MMP25: variants seen among roughly 807,000 people sequenced by gnomAD.
MMP25 encodes the protein matrix metallopeptidase 25.
Under a neutral mutation model 62.1 loss-of-function variants are expected in MMP25, and 68 were observed. The observed-to-expected ratio is 1.10, with a 90% CI of 0.90 to 1.34. MMP25 has a LOEUF of 1.34. Ranked by LOEUF, MMP25 falls within the 40% of genes most tolerant of loss-of-function variation. The pLI is 0.00. For synonymous variants in MMP25, 407 were observed against 345.6 expected (o/e 1.18, Z -1.97); for missense variants, 942 against 792.5 (o/e 1.19, Z -2.26).
At chr16:3,048,420 GGAGA>G (rs1003025585) in intron 2 of MMP25, among the ~76,000 whole-genome samples, 1 of 151,932 alleles carries the variant, frequency 6.6e-6, no homozygotes, top group African/African-American at 2.4e-5. Flanking sequence ...CTTTCTCGAG[GGAGA>G]GAGAGAGAGA....
At position 3,046,858 on chromosome 16, in the gene MMP25, C is replaced by T. The variant is rs993816383; in HGVS notation, c.-60C>T. On this transcript the variant is annotated 5_prime_UTR_variant, in exon 1 of 10. Transcript: ENST00000336577. ...GCCCGGATCTCCTCCCCCAGGTCCC[C>T]GGGGCGGCCCCAGCCAGGCCCCCTT... The T allele has an allele frequency of 5.0e-6, 5 of 1,003,486 alleles. No homozygotes were observed. Among genetic ancestry groups the T allele is most frequent in the South Asian group, 2.1e-5 (1 of 46,908 alleles). The allele number at this position is 1,003,486 out of a possible 1,614,324, so 62.2% of individuals were successfully genotyped here.
chr16:3,051,037 C>T (rs1481694779), intron 4 of MMP25: 1 of 152,552 alleles, frequency 6.6e-6, no homozygotes, highest in Non-Finnish European at 1.5e-5. Context: ...GTGATCCTCC[C>T]ATCTTGGTCT....
Position 3,050,151 on chromosome 16 carries a change from C to A in MMP25, c.368+7C>A, listed in dbSNP as rs1487386399. The A allele has an allele frequency of 1.2e-6, 2 of 1,600,686 alleles. No homozygotes were observed. The highest frequency in any genetic ancestry group is 1.7e-6 in the Non-Finnish European group (2 of 1,170,440). ...AGCGAACCCTGACATGGAGGTAGGT[C>A]CTGGGGCCCACCCGCACCCTGGCCC... On this transcript the variant is annotated splice_region_variant and intron_variant, in intron 3 of 9. Coordinates refer to ENST00000336577, the MANE Select transcript of MMP25 (RefSeq NM_022468.5).
In MMP25 at chr16:3,058,415, C is replaced by T. The variant is rs1238741492; in HGVS notation, c.1163C>T (p.Pro388Leu). The T allele has an allele frequency of 6.4e-7, 1 of 1,555,758 alleles. No individual in the cohort carries two copies. The highest frequency in any genetic ancestry group is 1.2e-5 in the South Asian group (1 of 84,458). The change falls in exon 9 of 10, where the codon CCC becomes CTC. Residue 388 changes from proline (P) to leucine (L), a missense_variant. Physicochemically the swap from Pro to Leu is moderately conservative, Grantham distance 98. Transcript: ENST00000336577. ...RDGRILLFSG[P>L]QFWVFQDRQL... ...CCTCCCGGCCTCCACCCTGCAGGGC[C>T]CCAGTTCTGGGTGTTCCAGGACCGG...
Position 3,050,319 on chromosome 16 carries a change from C to A in MMP25, c.434C>A (p.Ala145Asp), listed in dbSNP as rs527372861. The change falls in exon 4 of 10, where the codon GCC becomes GAC. Residue 145 changes from alanine to aspartate, a missense_variant. Transcript: ENST00000336577. ...QETVRVLMSY[A>D]LMAWGMESGL... ...ACCGTGCGGGTCCTCATGAGCTATG[C>A]CCTGATGGCCTGGGGCATGGAGTCA... The A allele has an allele frequency of 2.7e-5, 44 of 1,613,674 alleles. No individual in the cohort carries two copies. Among genetic ancestry groups the A allele is most frequent in the Non-Finnish European group, 3.7e-5 (44 of 1,179,880 alleles).
Position 3,059,900 on chromosome 16 carries a change from A to G in MMP25, c.*802A>G, listed in dbSNP as rs181926082. The G allele has an allele frequency of 9.3e-3, 1,423 of 152,478 alleles. 15 individuals are homozygous for G. Among genetic ancestry groups the G allele is most frequent in the Non-Finnish European group, 0.014 (981 of 68,228 alleles). 9.4% of individuals were successfully genotyped at this position (152,478 alleles called of 1,614,324 possible). On this transcript the variant is annotated 3_prime_UTR_variant, in exon 10 of 10. Coordinates refer to ENST00000336577, the MANE Select transcript of MMP25 (RefSeq NM_022468.5). ...CACCTCCTCCTCCCCAGGCCACCCA[A>G]CTTGGGCACCTCCCTGGGCCCAGAA...
chr16:3,057,011 T>C (rs1298800899), intron 4 of MMP25, 22 bp from the exon 5 acceptor site: 3 of 1,542,742 alleles, frequency 1.9e-6, no homozygotes, highest in Non-Finnish European at 2.6e-6. Context: ...CGGCCGCAGC[T>C]CTCACCCACT....
rs3743937 is a variant in MMP25 at position 3,047,567 on chromosome 16, C to A, written c.232+20C>A. 371,396 of 1,608,214 alleles carry A rather than the reference C, an allele frequency of 0.23. 44,837 individuals carry two copies. Among genetic ancestry groups the A allele is most frequent in the South Asian group, 0.25 (22,801 of 90,632 alleles). On this transcript the variant is annotated intron_variant, in intron 2 of 9. Transcript: ENST00000336577. ...GCATGGGTAGGTGGCCCCCACCCCT[C>A]CCCAGCCCTGCCTCTGCACCCAGCC...
Position 3,050,564 on chromosome 16 carries a change from A to G in MMP25, c.661+18A>G. On this transcript the variant is annotated intron_variant, in intron 4 of 9. Coordinates refer to ENST00000336577, the MANE Select transcript of MMP25 (RefSeq NM_022468.5). ...GTCAAAAGGTAAAATCTCCTCTCTTATGAGAGATCCTCTTGCCAGGTCTGG... is the reference window on the plus strand; with the variant it reads ...GTCAAAAGGTAAAATCTCCTCTCTTGTGAGAGATCCTCTTGCCAGGTCTGG... The G allele has an allele frequency of 6.6e-7, 1 of 1,511,486 alleles. No individual in the cohort carries two copies. Among genetic ancestry groups the G allele is most frequent in the East Asian group, 2.3e-5 (1 of 43,818 alleles). 93.6% of individuals were successfully genotyped at this position (1,511,486 alleles called of 1,614,324 possible).
chr16:3,048,639 G>T (rs2360168), intron 2 of MMP25, among the ~76,000 whole-genome samples: 47,713 of 151,782 alleles, frequency 0.31, 7,794 homozygotes, highest in Middle Eastern at 0.37. Flanking sequence ...AAGACCCCAC[G>T]GCACGCAGAA....
intron 4 of MMP25, chr16:3,052,874 G>A (rs1955926065): frequency 6.6e-6 from 1 of 152,268 alleles, no homozygotes; most frequent in Non-Finnish European, 1.5e-5. Flanking sequence ...TCTTGTGCAA[G>A]CAGTTTCTCA....
In MMP25 at chr16:3,046,906, C is replaced by T; in HGVS notation, c.-12C>T. 7.1e-7 allele frequency: 1 copy of T among 1,412,556 alleles called. No individual in the cohort carries two copies. The highest frequency in any genetic ancestry group is 9.2e-7 in the Non-Finnish European group (1 of 1,084,004). The allele number at this position is 1,412,556 out of a possible 1,614,324, so 87.5% of individuals were successfully genotyped here. ...CTTCGAACCCCGCCGGCGGCCCGGGCTGGGGCGCACCATGCGGCTGCGGCT... is the reference window on the plus strand; with the variant it reads ...CTTCGAACCCCGCCGGCGGCCCGGGTTGGGGCGCACCATGCGGCTGCGGCT... On this transcript the variant is annotated 5_prime_UTR_variant, in exon 1 of 10. Coordinates refer to ENST00000336577, the MANE Select transcript of MMP25 (RefSeq NM_022468.5).
Position 3,059,166 on chromosome 16 carries a change from G to A in MMP25, c.*68G>A. The A allele has an allele frequency of 6.9e-7, 1 of 1,452,044 alleles. No homozygotes were observed. 89.9% of individuals were successfully genotyped at this position (1,452,044 alleles called of 1,614,324 possible). ...GTCCCCCGCCGCTGGACCTGGTCGG[G>A]GGTTGTGAGGCGCTGCGGAGGCCCC... On this transcript the variant is annotated 3_prime_UTR_variant, in exon 10 of 10. Coordinates refer to ENST00000336577, the MANE Select transcript of MMP25 (RefSeq NM_022468.5).
chr16:3,058,690 C>A, intron 9 of MMP25, 21 bp downstream of exon 9: 2 of 1,564,330 alleles, frequency 1.3e-6, no homozygotes, highest in Non-Finnish European at 1.7e-6. Flanking sequence ...CGGTGACCTG[C>A]GGGTTACTGG....
chr16:3,050,013 A>C lies in MMP25; in HGVS notation c.237A>C (p.Pro79=), dbSNP rs141334365. 6.2e-7 allele frequency: 1 copy of C among 1,609,540 alleles called. No individual in the cohort carries two copies. The highest frequency in any genetic ancestry group is 8.5e-7 in the Non-Finnish European group (1 of 1,179,934). ...ACCGCCAAATGTCTCCCGCAGACCC[A>C]GGGACAGTGGCCACCATGCGTAAGC... The part of the protein sequence containing the change: ...AGLPETGRMD[P]GTVATMRKPR... The change falls in exon 3 of 10, where the codon CCA becomes CCC. Residue 79 remains proline, a synonymous_variant. Coordinates refer to ENST00000336577, the MANE Select transcript of MMP25 (RefSeq NM_022468.5).
intron 4 of MMP25, 28 bp downstream of exon 4, chr16:3,050,574 C>G (rs765299471): frequency 1.3e-6 from 2 of 1,501,840 alleles, no homozygotes; most frequent in South Asian, 2.7e-5. Context: ...ATGAGAGATC[C>G]TCTTGCCAGG....
intron 2 of MMP25, among the ~76,000 whole-genome samples, chr16:3,049,443 A>G (rs1474121696): frequency 1.3e-5 from 2 of 152,128 alleles, no homozygotes; most frequent in Non-Finnish European, 2.9e-5. Context: ...CGCCTCAATA[A>G]ATGAGGCGCA....
rs750440814 is a variant in MMP25 at position 3,057,136 on chromosome 16, C to T, written c.765C>T (p.Tyr255=). The T allele has an allele frequency of 3.1e-6, 5 of 1,613,578 alleles. No homozygotes were observed. The highest frequency in any genetic ancestry group is 2.2e-5 in the South Asian group (2 of 90,968). The change falls in exon 5 of 10, where the codon TAC becomes TAT. Residue 255 remains tyrosine (Y), a synonymous_variant. Transcript: ENST00000336577. ...CCAACTCCATTATGAGGCCCTTCTACCAGGGTCCGGTGGGCGACCCTGACA... is the reference window on the plus strand; with the variant it reads ...CCAACTCCATTATGAGGCCCTTCTATCAGGGTCCGGTGGGCGACCCTGACA... ...SAPNSIMRPF[Y]QGPVGDPDKY...
Position 3,046,900 on chromosome 16 carries a change from C to A in MMP25, c.-18C>A. ...GGCCCCCTTCGAACCCCGCCGGCGGCCCGGGCTGGGGCGCACCATGCGGCT... is the reference window on the plus strand; with the variant it reads ...GGCCCCCTTCGAACCCCGCCGGCGGACCGGGCTGGGGCGCACCATGCGGCT... On this transcript the variant is annotated 5_prime_UTR_variant, in exon 1 of 10. Coordinates refer to ENST00000336577, the MANE Select transcript of MMP25 (RefSeq NM_022468.5). 7.2e-7 allele frequency: 1 copy of A among 1,384,758 alleles called. No homozygotes were observed. The highest frequency in any genetic ancestry group is 9.3e-7 in the Non-Finnish European group (1 of 1,070,836). 85.8% of individuals were successfully genotyped at this position (1,384,758 alleles called of 1,614,324 possible).
Sources: allele counts gnomAD v4.1 joint callset (sites outside exome capture counted in the v4.1 genomes callset), GRCh38; gene constraint gnomAD v4.1.1; transcripts MANE v1.5; gene names NCBI Gene and HGNC (gene_info 2026-07-23, HGNC 2026-07-21).